The following SHB variants were observed in gnomAD, a reference collection of about 807,000 sequenced individuals.
The protein encoded by SHB is SH2 domain containing adaptor protein B.
SHB carries 20 observed loss-of-function variants against 52.3 expected under a neutral mutation model. That is an observed-to-expected ratio of 0.38 (90% CI 0.27 to 0.56). The LOEUF is 0.56. SHB is among the 20% of genes least tolerant of loss of function. The pLI, the probability that SHB is intolerant of heterozygous loss-of-function variation, is 0.71. For missense variants in SHB, 825 were observed against 723.3 expected, an observed-to-expected ratio of 1.14 and a Z score of -1.61; for synonymous variants, 397 against 316.5, an observed-to-expected ratio of 1.25 and a Z score of -2.70.
At chr9:38,008,282 T>G (rs1433184048) in intron 2 of SHB, among the ~76,000 whole-genome samples, 1 of 152,210 alleles carries the variant, frequency 6.6e-6, no homozygotes, top group Non-Finnish European at 1.5e-5. Context: ...GTGGGCCCGC[T>G]GGTCGCCATG....
chr9:37,940,091 T>C (rs1469721362), intron 5 of SHB, among the ~76,000 whole-genome samples: 2 of 152,126 alleles, frequency 1.3e-5, no homozygotes, highest in Non-Finnish European at 2.9e-5. Flanking sequence ...ATCCCGTAAC[T>C]TGTCAGAGGC....
chr9:37,989,618 C>A (rs1336166361), intron 2 of SHB, among the ~76,000 whole-genome samples: 1 of 152,176 alleles, frequency 6.6e-6, no homozygotes, highest in Non-Finnish European at 1.5e-5. Context: ...AGTGGGGAAA[C>A]GGGAAACTCA....
chr9:38,067,242 C>G (rs1821981327), intron 1 of SHB, among the ~76,000 whole-genome samples: 3 of 152,150 alleles, frequency 2.0e-5, no homozygotes, highest in Admixed American at 2.0e-4. Context: ...TCCAGCCGGG[C>G]CTGATAGGCT....
At chr9:38,036,165 C>A (rs1423521322) in intron 1 of SHB, among the ~76,000 whole-genome samples, 2 of 152,180 alleles carry the variant, frequency 1.3e-5, no homozygotes, top group East Asian at 1.9e-4. Flanking sequence ...CTTGCTCAAG[C>A]CCTGCTGCCC....
At chr9:37,978,500 G>T (rs1310737332) in intron 2 of SHB, among the ~76,000 whole-genome samples, 2 of 152,252 alleles carry the variant, frequency 1.3e-5, no homozygotes, top group African/African-American at 4.8e-5. Context: ...TGAAGATTAT[G>T]TAGCGACATG....
chr9:38,056,698 A>C (rs530897820), intron 1 of SHB, among the ~76,000 whole-genome samples: 1 of 152,378 alleles, frequency 6.6e-6, no homozygotes, highest in African/African-American at 2.4e-5. Flanking sequence ...ATAGAAAACA[A>C]TTCATTGTAA....
At position 37,974,718 on chromosome 9, in the gene SHB, G is replaced by A. The variant is rs1415234992; in HGVS notation, c.958C>T (p.Leu320=). ...TCCTGGGGCAGCTTGCTCTCCCGCA[G>A]TCGGGGGCTGACTGTGCTCTCCGAG... ...SDSESTVSPR[L]RESKLPQDDD... is the part of the protein sequence containing the mutation. Residue 320 remains leucine (L), a synonymous_variant, in exon 3 of 6, where the codon CTG becomes TTG. Coordinates refer to ENST00000377707, the MANE Select transcript of SHB (RefSeq NM_003028.3). 1.4e-5 allele frequency: 22 copies of A among 1,614,176 alleles called. No homozygotes were observed. Among genetic ancestry groups the A allele is most frequent in the Non-Finnish European group, 1.8e-5 (21 of 1,180,032 alleles).
At chr9:38,035,375 T>C (rs1248954570) in intron 1 of SHB, among the ~76,000 whole-genome samples, 50 of 151,850 alleles carry the variant, frequency 3.3e-4, no homozygotes, top group Admixed American at 3.3e-3. Context: ...CTGAGATCCT[T>C]TGCCACTAGA....
In SHB at chr9:37,945,061, G is replaced by A. The variant is rs1832476921; in HGVS notation, c.1346+3574C>T. Among the ~76,000 whole-genome samples the A allele has an allele frequency of 3.3e-5, 5 of 152,188 alleles. No homozygotes were observed. In the South Asian group the frequency reaches 1.0e-3, roughly 32 times the overall value. On this transcript the variant is annotated intron_variant, in intron 5 of 5. Transcript: ENST00000377707. Reference sequence around the variant, plus strand: ...GGGCTCTGAAAAATATCTGCTGAGGGAAGGGTGCACGGGGTGTCCTCTGAG... The same window carrying A: ...GGGCTCTGAAAAATATCTGCTGAGGAAAGGGTGCACGGGGTGTCCTCTGAG...
chr9:37,925,860 A>C (rs1307211186), intron 5 of SHB, among the ~76,000 whole-genome samples: 1 of 152,194 alleles, frequency 6.6e-6, no homozygotes. Context: ...TTTAAAGTGC[A>C]CTCAACCATC....
intron 5 of SHB, among the ~76,000 whole-genome samples, chr9:37,931,911 A>G (rs1432861158): frequency 1.3e-5 from 2 of 152,216 alleles, no homozygotes; most frequent in African/African-American, 4.8e-5. Context: ...CGCCCTAAAA[A>G]AGATCTTGTC....
intron 1 of SHB, among the ~76,000 whole-genome samples, chr9:38,016,963 G>A (rs1821221894): frequency 6.6e-6 from 1 of 152,282 alleles, no homozygotes; most frequent in East Asian, 1.9e-4. Context: ...TGGGGGTGGG[G>A]GGCACTCCCA....
chr9:37,967,359 T>C (rs1056393687), intron 3 of SHB, among the ~76,000 whole-genome samples: 12 of 152,180 alleles, frequency 7.9e-5, no homozygotes, highest in African/African-American at 2.7e-4. Flanking sequence ...TTAGCCTCAT[T>C]TGATGAGGCT....
At chr9:37,949,972 C>A (rs7864677) in intron 4 of SHB, among the ~76,000 whole-genome samples, 2 of 152,006 alleles carry the variant, frequency 1.3e-5, no homozygotes, top group South Asian at 4.2e-4. Context: ...GGTCTCACCC[C>A]GTCACCCAGG....
intron 3 of SHB, among the ~76,000 whole-genome samples, chr9:37,969,084 G>C (rs1013202328): frequency 6.6e-6 from 1 of 152,224 alleles, no homozygotes; most frequent in African/African-American, 2.4e-5. Context: ...TCCTGGTGTA[G>C]ATGTCGCAGA....
intron 1 of SHB, among the ~76,000 whole-genome samples, chr9:38,045,339 G>A (rs544449298): frequency 6.6e-6 from 1 of 152,238 alleles, no homozygotes; most frequent in East Asian, 1.9e-4. Context: ...GGTGGCTCAC[G>A]CCTGTAATCC....
intron 2 of SHB, among the ~76,000 whole-genome samples, chr9:37,978,677 C>T (rs938555575): frequency 1.3e-5 from 2 of 152,114 alleles, no homozygotes; most frequent in African/African-American, 4.8e-5. Flanking sequence ...ACTGACATCA[C>T]AGATTTGGCC....
rs557385338 is a variant in SHB at position 38,066,350 on chromosome 9, C to T, written c.717+1579G>A. On this transcript the variant is annotated intron_variant, in intron 1 of 5. Coordinates refer to ENST00000377707, the MANE Select transcript of SHB (RefSeq NM_003028.3). Reference sequence around the variant, plus strand: ...CCAGTGCAGTTAGCCGTGACCCTCTCGTGCCTTTTATATACAAGACCTCCA... The same window carrying T: ...CCAGTGCAGTTAGCCGTGACCCTCTTGTGCCTTTTATATACAAGACCTCCA... 7.2e-5 allele frequency among the ~76,000 whole-genome samples: 11 copies of T among 152,310 alleles called. No individual in the cohort carries two copies. The East Asian group carries it at 1.4e-3, about 19-fold the overall frequency.
chr9:38,067,420 G>A (rs2118209316), intron 1 of SHB, among the ~76,000 whole-genome samples: 1 of 152,302 alleles, frequency 6.6e-6, no homozygotes, highest in South Asian at 2.1e-4. Flanking sequence ...GGGCAGGGCC[G>A]GGCAGGGCAG....
Sources: allele counts gnomAD v4.1 joint callset (sites outside exome capture counted in the v4.1 genomes callset), GRCh38; gene constraint gnomAD v4.1.1; transcripts MANE v1.5; gene names NCBI Gene and HGNC (gene_info 2026-07-23, HGNC 2026-07-21).